The following STK32A variants were observed in gnomAD, a reference collection of about 807,000 sequenced individuals.
The protein encoded by STK32A is serine/threonine-protein kinase 32A.
A neutral mutation model predicts 53.2 loss-of-function variants in STK32A; 41 were observed. The observed-to-expected ratio is 0.77, with a 90% CI of 0.60 to 1.00. The LOEUF (loss-of-function observed/expected upper bound fraction) is 1.00, where lower values mean the gene tolerates loss of function less well. STK32A is among the 50% of genes least tolerant of loss of function. The pLI is 0.00. For missense variants in STK32A, 458 were observed against 485.8 expected (o/e 0.94, Z 0.54); for synonymous variants, 166 against 162.8 (o/e 1.02, Z -0.15).
chr5:147,365,458 A>G (rs537113621), intron 8 of STK32A, among the ~76,000 whole-genome samples: 10 of 151,998 alleles, frequency 6.6e-5, no homozygotes, highest in African/African-American at 9.6e-5. Context: ...TAAGTCCTAC[A>G]TAGGGATATT....
chr5:147,333,790 C>A (rs1232193890), intron 5 of STK32A, among the ~76,000 whole-genome samples: 2 of 152,156 alleles, frequency 1.3e-5, no homozygotes, highest in Non-Finnish European at 2.9e-5. Context: ...AATCATTACA[C>A]ATTCTTATAT....
At chr5:147,358,478 G>A (rs368496018) in intron 7 of STK32A, among the ~76,000 whole-genome samples, 109 of 152,244 alleles carry the variant, frequency 7.2e-4, no homozygotes, top group African/African-American at 2.5e-3. Context: ...CACATGTATA[G>A]GAACGTTCAT....
intron 2 of STK32A, among the ~76,000 whole-genome samples, chr5:147,267,521 G>C (rs1754859791): frequency 6.6e-6 from 1 of 152,138 alleles, no homozygotes; most frequent in African/African-American, 2.4e-5. Flanking sequence ...TTGGTAAAAA[G>C]TAAATAAGAT....
In STK32A at chr5:147,384,487, G is replaced by T; in HGVS notation, c.*504G>T. ...TGGATAAAGATAAGGAATTCTATCA[G>T]GGAGGCATGAATGGAATCAGATTAA... On this transcript the variant is annotated 3_prime_UTR_variant, in exon 13 of 13. Transcript: ENST00000397936. The T allele has an allele frequency of 7.0e-7, 1 of 1,423,608 alleles. No individual in the cohort carries two copies. The highest frequency in any genetic ancestry group is 1.2e-5 in the South Asian group (1 of 80,288). 88.2% of individuals were successfully genotyped at this position (1,423,608 alleles called of 1,614,324 possible).
At chr5:147,290,904 A>C (rs190455523) in intron 4 of STK32A, among the ~76,000 whole-genome samples, 1 of 152,318 alleles carries the variant, frequency 6.6e-6, no homozygotes, top group East Asian at 1.9e-4. Context: ...GGTTTTAAGA[A>C]AAAAAGACAA....
Position 147,386,544 on chromosome 5 carries a change from C to T in STK32A, c.*2561C>T, listed in dbSNP as rs1281587095. ...TGTGATGAGAGTTAAGCCATAGTGC[C>T]ATTTCACACGTATACATTTATGATG... On this transcript the variant is annotated 3_prime_UTR_variant, in exon 13 of 13. Transcript: ENST00000397936. 1 of 152,174 alleles carries T rather than the reference C, an allele frequency of 6.6e-6. No individual in the cohort carries two copies. Among genetic ancestry groups the T allele is most frequent in the African/African-American group, 2.4e-5 (1 of 41,448 alleles). 9.4% of individuals were successfully genotyped at this position (152,174 alleles called of 1,614,324 possible). A position where few individuals can be genotyped will look rare whatever the true frequency, so the allele number is the denominator to read the frequency against.
intron 2 of STK32A, among the ~76,000 whole-genome samples, chr5:147,270,267 C>T (rs990661361): frequency 1.3e-5 from 2 of 151,898 alleles, no homozygotes; most frequent in Admixed American, 6.6e-5. Flanking sequence ...TGCAGTGGTG[C>T]GATCACAGCT....
At chr5:147,400,598 C>T in the STK32A span, 49 of 1,504,116 alleles carry the variant, frequency 3.3e-5, no homozygotes, top group African/African-American at 3.7e-4. Context: ...CATCTGCACT[C>T]GCAGTGTCAC....
chr5:147,348,455 G>T lies in STK32A; in HGVS notation c.473-2610G>T, dbSNP rs79546032. Among the ~76,000 whole-genome samples, 1,995 of 152,280 alleles carry T rather than the reference G, an allele frequency of 0.013. 139 individuals are homozygous for T. In the East Asian group the frequency reaches 0.2, roughly 15 times the overall value. On this transcript the variant is annotated intron_variant, in intron 6 of 12. Coordinates refer to ENST00000397936, the MANE Select transcript of STK32A (RefSeq NM_001112724.2). ...CTGATTTGTTATAATAGAGTTGAGG[G>T]GGGACGGGGCGTAAGAATCTGCATA...
Position 147,376,294 on chromosome 5 carries a change from A to G in STK32A, c.1032+1076A>G, listed in dbSNP as rs1360428240. 8.5e-5 allele frequency among the ~76,000 whole-genome samples: 13 copies of G among 152,212 alleles called. No individual in the cohort carries two copies. The East Asian group carries it at 2.5e-3, about 29-fold the overall frequency. On this transcript the variant is annotated intron_variant, in intron 11 of 12. Coordinates refer to ENST00000397936, the MANE Select transcript of STK32A (RefSeq NM_001112724.2). Reference sequence around the variant, plus strand: ...AAATATTTTCTAGGACCCTCCAAGGAATGCTTAGCTGTGCTGCTAACCCGT... The same window carrying G: ...AAATATTTTCTAGGACCCTCCAAGGGATGCTTAGCTGTGCTGCTAACCCGT...
intron 4 of STK32A, among the ~76,000 whole-genome samples, chr5:147,316,572 A>G (rs1459164561): frequency 6.6e-6 from 1 of 152,208 alleles, no homozygotes; most frequent in East Asian, 1.9e-4. Flanking sequence ...TATATTTTTA[A>G]GTATATTGAT....
At chr5:147,266,278 A>T (rs6868694) in intron 2 of STK32A, among the ~76,000 whole-genome samples, 44,932 of 152,036 alleles carry the variant, frequency 0.3, 7,017 homozygotes, top group African/African-American at 0.36. Context: ...GAGCTCAAAG[A>T]GTGAGTAAGT....
At chr5:147,259,931 CTGG>C (rs147584061) in intron 2 of STK32A, among the ~76,000 whole-genome samples, 6,999 of 135,882 alleles carry the variant, frequency 0.052, 762 homozygotes, top group African/African-American at 0.19. Context: ...TCTCTCACTC[CTGG>C]CTGTCTCTCT....
At chr5:147,327,551 C>T (rs1272059753) in intron 5 of STK32A, among the ~76,000 whole-genome samples, 2 of 152,184 alleles carry the variant, frequency 1.3e-5, no homozygotes, top group Non-Finnish European at 2.9e-5. Flanking sequence ...TTCAAAATTA[C>T]CCGTAAACAG....
chr5:147,276,221 T>C (rs1248132944), intron 2 of STK32A, among the ~76,000 whole-genome samples: 1 of 152,172 alleles, frequency 6.6e-6, no homozygotes, highest in Admixed American at 6.5e-5. Context: ...AAAATTATTC[T>C]GACCACAACC....
chr5:147,352,038 T>G (rs1756009725), intron 7 of STK32A, among the ~76,000 whole-genome samples: 1 of 152,110 alleles, frequency 6.6e-6, no homozygotes, highest in African/African-American at 2.4e-5. Flanking sequence ...TCCCATGAAT[T>G]CTTCTGTTTA....
chr5:147,373,556 GT>G (rs993736758), intron 10 of STK32A, among the ~76,000 whole-genome samples: 2 of 152,126 alleles, frequency 1.3e-5, no homozygotes, highest in African/African-American at 4.8e-5. Flanking sequence ...TTTATGGTCT[GT>G]TTTTATTGAA....
chr5:147,360,351 C>T (rs1331147841), intron 7 of STK32A, among the ~76,000 whole-genome samples: 1 of 146,698 alleles, frequency 6.8e-6, no homozygotes, highest in Non-Finnish European at 1.5e-5. Flanking sequence ...CTTGGGAGGC[C>T]AAGGTTGGAG....
Position 147,361,532 on chromosome 5 carries a change from G to C in STK32A, c.578G>C (p.Ser193Thr). 6.2e-7 allele frequency: 1 copy of C among 1,612,630 alleles called. No homozygotes were observed. Among genetic ancestry groups the C allele is most frequent in the Middle Eastern group, 1.7e-4 (1 of 6,060 alleles). Reference protein sequence around the residue: ...TKPYMAPEMFSSRKGAGYSFA... With the variant: ...TKPYMAPEMFTSRKGAGYSFA... ...TGTTTTTCAGCACCTGAGATGTTCAGCTCCAGAAAAGGAGCAGGCTATTCC... is the reference window on the plus strand; with the variant it reads ...TGTTTTTCAGCACCTGAGATGTTCACCTCCAGAAAAGGAGCAGGCTATTCC... The change falls in exon 8 of 13, where the codon AGC becomes ACC. Residue 193 changes from serine (S) to threonine (T), a missense_variant. Transcript: ENST00000397936.
Sources: gnomAD v4.1 joint callset for allele counts (sites outside exome capture counted in the v4.1 genomes callset) on GRCh38, gnomAD v4.1.1 for gene constraint, MANE v1.5 for transcripts, NCBI Gene and HGNC (gene_info 2026-07-23, HGNC 2026-07-21) for gene names.